YTHDC2: variants seen among roughly 807,000 people sequenced by gnomAD.
YTHDC2 encodes the protein YTH N6-methyladenosine RNA binding protein C2, also known as 3'-5' RNA helicase YTHDC2.
Under a neutral mutation model 174.9 loss-of-function variants are expected in YTHDC2, and 45 were observed. That is an observed-to-expected ratio of 0.26 (90% confidence interval 0.20 to 0.33). The LOEUF (loss-of-function observed/expected upper bound fraction) is 0.33. Among genes scored for constraint, YTHDC2 ranks in the 10% least tolerant of loss-of-function variants. The pLI, the probability that YTHDC2 is intolerant of heterozygous loss-of-function variation, is 1.00. For synonymous variants in YTHDC2, 657 were observed against 574.5 expected (o/e 1.14, Z -2.05); for missense variants, 1,650 against 1,723.7 (o/e 0.96, Z 0.76).
chr5:113,568,060 T>G (rs1237023647), intron 23 of YTHDC2, among the ~76,000 whole-genome samples: 2 of 152,124 alleles, frequency 1.3e-5, no homozygotes, highest in Non-Finnish European at 2.9e-5. Context: ...TATTTGTGCA[T>G]TTTTTATTAA....
Position 113,564,134 on chromosome 5 carries a change from A to G in YTHDC2, c.2715+3A>G. The G allele has an allele frequency of 6.3e-7, 1 of 1,598,418 alleles. No homozygotes were observed. Among genetic ancestry groups the G allele is most frequent in the Non-Finnish European group, 8.5e-7 (1 of 1,169,784 alleles). On this transcript the variant is annotated splice_donor_region_variant and intron_variant, in intron 20 of 29. Coordinates refer to ENST00000161863, the MANE Select transcript of YTHDC2 (RefSeq NM_022828.5). Reference sequence around the variant, plus strand: ...TGGCACTTCTCAGAGCATTCCAGGTACTATTACTGTCATTTTATTTCTGAA... The same window carrying G: ...TGGCACTTCTCAGAGCATTCCAGGTGCTATTACTGTCATTTTATTTCTGAA...
chr5:113,532,234 A>G (rs1358437649), intron 4 of YTHDC2, among the ~76,000 whole-genome samples: 21 of 152,192 alleles, frequency 1.4e-4, no homozygotes, highest in Non-Finnish European at 3.1e-4. Context: ...ATGGATAAAA[A>G]TCATGCTTAT....
intron 10 of YTHDC2, among the ~76,000 whole-genome samples, chr5:113,547,833 T>G (rs1324038436): frequency 1.3e-5 from 2 of 152,196 alleles, no homozygotes; most frequent in Non-Finnish European, 2.9e-5. Flanking sequence ...TGTAGTTATC[T>G]TAAATTTTAC....
chr5:113,523,323 C>T (rs867712329), intron 2 of YTHDC2, among the ~76,000 whole-genome samples: 11 of 152,066 alleles, frequency 7.2e-5, no homozygotes, highest in Non-Finnish European at 1.3e-4. Flanking sequence ...CATGTAACTG[C>T]TTGAAAGTTT....
In YTHDC2 at chr5:113,541,002, C is replaced by T. The variant is rs1356962575; in HGVS notation, c.1245C>T (p.Tyr415=). ...EKQQTTLTEW[Y]SAQENSFKPE... is the part of the protein sequence containing the mutation. ...AACAAACCACACTTACAGAATGGTA[C>T]TCAGCTCAAGAAAATAGTTTCAAGC... is the stretch of plus-strand genomic sequence containing the variant. Residue 415 remains tyrosine, a synonymous_variant, in exon 9 of 30, where the codon TAC becomes TAT. Transcript: ENST00000161863. 2.5e-6 allele frequency: 4 copies of T among 1,613,868 alleles called. No individual in the cohort carries two copies. The highest frequency in any genetic ancestry group is 2.2e-5 in the East Asian group (1 of 44,862).
Position 113,535,653 on chromosome 5 carries a change from T to G in YTHDC2, c.957T>G (p.His319Gln), listed in dbSNP as rs1282114191. The change falls in exon 7 of 30, where the codon CAT becomes CAG. Residue 319 changes from histidine to glutamine, a missense_variant. Transcript: ENST00000161863. ...TVTHVIVDEV[H>Q]ERDRFSDFLL... is the part of the protein sequence containing the mutation. ...TCTGTTTACTATAGGATGAAGTGCA[T>G]GAAAGGGATCGATTTAGTGATTTTT... 6.2e-7 allele frequency: 1 copy of G among 1,612,612 alleles called. No homozygotes were observed. The highest frequency in any genetic ancestry group is 1.3e-5 in the African/African-American group (1 of 74,844).
At chr5:113,546,039 C>CCTCATTATTGATTTTTTGGAAAATAAT (rs546478622) in intron 10 of YTHDC2, among the ~76,000 whole-genome samples, 1 of 128,050 alleles carries the variant, frequency 7.8e-6, no homozygotes, top group Non-Finnish European at 1.6e-5. Flanking sequence ...CGCGCCCGGC[C>CCTCATTATTGATTTTTTGGAAAATAAT]TGATCTCCAT....
intron 10 of YTHDC2, among the ~76,000 whole-genome samples, chr5:113,546,421 C>G (rs1041289562): frequency 3.9e-5 from 6 of 152,306 alleles, no homozygotes; most frequent in African/African-American, 1.2e-4. Context: ...GTTACAGTAG[C>G]TCAATCATTC....
intron 23 of YTHDC2, 134 bp from the exon 24 acceptor site, chr5:113,579,452 G>A: frequency 3.7e-6 from 2 of 533,928 alleles, no homozygotes; most frequent in Non-Finnish European, 6.4e-6. Context: ...GATCTTTTGA[G>A]TTTGAAGGAC....
intron 17 of YTHDC2, chr5:113,556,347 G>T: frequency 2.8e-6 from 1 of 353,712 alleles, no homozygotes. Flanking sequence ...CTAGTTAAAT[G>T]TACATTCAGA....
chr5:113,527,300 G>C (rs774526356), intron 4 of YTHDC2, among the ~76,000 whole-genome samples: 1 of 152,148 alleles, frequency 6.6e-6, no homozygotes, highest in Non-Finnish European at 1.5e-5. Context: ...TTAATATAAA[G>C]TTGACTGTAG....
rs543423969 is a variant in YTHDC2, at chr5:113,513,715, T to A, written c.-181T>A. On this transcript the variant is annotated 5_prime_UTR_variant, in exon 1 of 30. Transcript: ENST00000161863. Reference sequence around the variant, plus strand: ...CCGCGCTCCTCGCCTGGCCGTGATATCAATGGCGCAGGCTTCACTTCTGCT... The same window carrying A: ...CCGCGCTCCTCGCCTGGCCGTGATAACAATGGCGCAGGCTTCACTTCTGCT... The A allele has an allele frequency of 5.9e-5, 39 of 664,380 alleles. No homozygotes were observed. The Admixed American group carries it at 1.1e-3, about 18-fold the overall frequency. 41.2% of individuals were successfully genotyped at this position (664,380 alleles called of 1,614,324 possible).
intron 12 of YTHDC2, among the ~76,000 whole-genome samples, chr5:113,551,079 A>C (rs1776222114): frequency 6.6e-6 from 1 of 152,116 alleles, no homozygotes; most frequent in South Asian, 2.1e-4. Context: ...TTAATTTTAT[A>C]GATGTAAAAT....
chr5:113,526,332 T>TGA (rs113112611), intron 3 of YTHDC2, among the ~76,000 whole-genome samples: 48,953 of 149,026 alleles, frequency 0.33, 9,877 homozygotes, highest in African/African-American at 0.57. Flanking sequence ...GAAATATGTC[T>TGA]GAGGTTCACT....
intron 3 of YTHDC2, 104 bp from the exon 4 acceptor site, chr5:113,526,482 C>A: frequency 1.2e-6 from 1 of 829,628 alleles, no homozygotes; most frequent in Non-Finnish European, 1.8e-6. Context: ...GAAATTATGT[C>A]TTTTGGCATG....
rs139975463 is a variant in YTHDC2, at chr5:113,517,517, A to G, written c.278+2155A>G. On this transcript the variant is annotated intron_variant, in intron 2 of 29. Transcript: ENST00000161863. ...TAGATATCTTGGGAAGGAGAATTCA[A>G]GAAGGAAGTTATGGAGACAAAAATG... 10 of 455,830 alleles carry G rather than the reference A, an allele frequency of 2.2e-5. No homozygotes were observed. In the East Asian group the frequency reaches 5.6e-4, roughly 25 times the overall value. 28.2% of individuals were successfully genotyped at this position (455,830 alleles called of 1,614,324 possible).
intron 4 of YTHDC2, among the ~76,000 whole-genome samples, chr5:113,530,759 A>C (rs533432122): frequency 7.9e-5 from 12 of 152,158 alleles, no homozygotes; most frequent in African/African-American, 2.6e-4. Context: ...ACCTCCATTT[A>C]TTCCTTCTTT....
rs375164034 is a variant in YTHDC2, at chr5:113,514,118, G to A, written c.187+36G>A. ...GGACAGGGACCATGCTGGCAGTCAGGATACCCCCCTCACCCCAGCGCCCCC... is the reference window on the plus strand; with the variant it reads ...GGACAGGGACCATGCTGGCAGTCAGAATACCCCCCTCACCCCAGCGCCCCC... On this transcript the variant is annotated intron_variant, in intron 1 of 29. Coordinates refer to ENST00000161863, the MANE Select transcript of YTHDC2 (RefSeq NM_022828.5). The A allele has an allele frequency of 1.4e-4, 216 of 1,594,440 alleles. 1 individual carries two copies. The highest frequency in any genetic ancestry group is 1.8e-4 in the Non-Finnish European group (210 of 1,171,760).
chr5:113,581,230 A>T, intron 24 of YTHDC2, 187 bp from the exon 25 acceptor site: 2 of 486,498 alleles, frequency 4.1e-6, no homozygotes, highest in Non-Finnish European at 6.8e-6. Context: ...TTTGTGTCTT[A>T]GTGCCTAAAA....
Sources: gnomAD v4.1 joint callset for allele counts (sites outside exome capture counted in the v4.1 genomes callset) on GRCh38, gnomAD v4.1.1 for gene constraint, MANE v1.5 for transcripts, NCBI Gene and HGNC (gene_info 2026-07-23, HGNC 2026-07-21) for gene names.